SLC6A12: variants seen among roughly 807,000 people sequenced by gnomAD.
SLC6A12 encodes the protein solute carrier family 6 member 12.
Under a neutral mutation model 73.3 loss-of-function variants are expected in SLC6A12, and 50 were observed. The ratio of observed to expected loss-of-function variants is 0.68; its 90% CI spans 0.54 to 0.86. The LOEUF (loss-of-function observed/expected upper bound fraction) is 0.86. Ranked by LOEUF, SLC6A12 falls within the 40% of genes least tolerant of loss-of-function variation. The probability of loss-of-function intolerance (pLI) is 0.00; values close to 1 mark genes in which losing one functional copy is unlikely to be tolerated. For synonymous variants in SLC6A12, 304 were observed against 309.2 expected, an observed-to-expected ratio of 0.98 and a Z score of 0.18; for missense variants, 648 against 772.8, an observed-to-expected ratio of 0.84 and a Z score of 1.92.
chr12:203,551 G>A (rs1400007323), intron 4 of SLC6A12: 1 of 152,152 alleles, frequency 6.6e-6, no homozygotes, highest in Admixed American at 6.5e-5. Context: ...GCAGACGGCA[G>A]AGGGTCCGCG....
At chr12:186,294 C>A (rs889361259), downstream of SLC6A12, among the ~76,000 whole-genome samples, 1 of 152,180 alleles carries the variant, frequency 6.6e-6, no homozygotes, top group Non-Finnish European at 1.5e-5. Context: ...ACAGAGAGCC[C>A]ACATGAGAGG....
chr12:188,308 G>A (rs1011856092), downstream of SLC6A12, among the ~76,000 whole-genome samples: 11 of 152,192 alleles, frequency 7.2e-5, no homozygotes, highest in African/African-American at 2.7e-4. Flanking sequence ...CACAGCAGCT[G>A]CTGGCCCAGG....
At chr12:209,692 C>G in intron 3 of SLC6A12, 81 bp downstream of exon 3, 1 of 1,485,250 alleles carries the variant, frequency 6.7e-7, no homozygotes, top group Non-Finnish European at 9.4e-7. Flanking sequence ...CCACACTGCC[C>G]AGGAAGGAGG....
At chr12:192,266 G>T (rs1939636277) in intron 15 of SLC6A12, among the ~76,000 whole-genome samples, 1 of 152,212 alleles carries the variant, frequency 6.6e-6, no homozygotes, top group Non-Finnish European at 1.5e-5. Context: ...GTCAGAGTCT[G>T]TAGGTCTAGG....
downstream of SLC6A12, among the ~76,000 whole-genome samples, chr12:186,841 T>C (rs903770075): frequency 2.6e-5 from 4 of 152,098 alleles, no homozygotes; most frequent in African/African-American, 9.7e-5. Context: ...ATGAATAGCA[T>C]CATAGGGTGT....
intron 3 of SLC6A12, among the ~76,000 whole-genome samples, chr12:207,691 T>C (rs1000060618): frequency 6.6e-6 from 1 of 152,154 alleles, no homozygotes; most frequent in Non-Finnish European, 1.5e-5. Flanking sequence ...TTTGGACTAG[T>C]CTGTGACATC....
In SLC6A12 at chr12:196,230, G is replaced by A. The variant is rs756130417; in HGVS notation, c.1220C>T (p.Ser407Phe). The A allele has an allele frequency of 1.2e-6, 2 of 1,605,418 alleles. No homozygotes were observed. Among genetic ancestry groups the A allele is most frequent in the Non-Finnish European group, 1.7e-6 (2 of 1,177,198 alleles). ...GAGCTGCCTGGGGAACATGTCTATG[G>A]AGGCTGTCACCAGGCACTCCACACA... The part of the protein sequence containing the change: ...FVCVECLVTA[S>F]IDMFPRQLRK... The change falls in exon 12 of 16, where the codon TCC (serine) becomes TTC (phenylalanine). Residue 407 changes from serine (S) to phenylalanine (F), a missense_variant. Physicochemically the swap from Ser to Phe is radical, Grantham distance 155 (BLOSUM62 -2). Coordinates refer to ENST00000684302, the MANE Select transcript of SLC6A12 (RefSeq NM_001122848.3).
chr12:196,730 G>A (rs759299421), intron 11 of SLC6A12, 40 bp downstream of exon 11: 1 of 1,419,124 alleles, frequency 7.0e-7, no homozygotes, highest in Admixed American at 1.7e-5. Flanking sequence ...GCTTGCAAGA[G>A]GGTCACCACG....
chr12:212,466 T>G (rs74057622), intron 1 of SLC6A12, among the ~76,000 whole-genome samples: 1 of 152,006 alleles, frequency 6.6e-6, no homozygotes, highest in Non-Finnish European at 1.5e-5. Flanking sequence ...ATAGGGGAAG[T>G]GCAAAAAGAG....
chr12:186,629 T>C (rs560778816), downstream of SLC6A12, among the ~76,000 whole-genome samples: 15 of 152,284 alleles, frequency 9.9e-5, no homozygotes, highest in South Asian at 2.1e-4. Flanking sequence ...CTGTTGACCA[T>C]TAGTGGGAGG....
intron 1 of SLC6A12, 101 bp from the exon 2 acceptor site, chr12:212,211 G>A (rs1005289320): frequency 6.6e-6 from 1 of 152,258 alleles, no homozygotes; most frequent in South Asian, 2.1e-4. Flanking sequence ...CTCTACTCGC[G>A]GGCCATAGCG....
At chr12:204,828 C>T in intron 3 of SLC6A12, 130 bp from the exon 4 acceptor site, 1 of 996,124 alleles carries the variant, frequency 1.0e-6, no homozygotes, top group Non-Finnish European at 1.5e-6. Context: ...TGACACTTTC[C>T]AAGGGCCCAC....
At chr12:197,109 CCA>C (rs1939915587) in intron 10 of SLC6A12, among the ~76,000 whole-genome samples, 1 of 63,518 alleles carries the variant, frequency 1.6e-5, no homozygotes, top group African/African-American at 6.1e-5. Context: ...ATCCATCCAT[CCA>C]TCCATCCATC....
Position 193,396 on chromosome 12 carries a change from GGA to G in SLC6A12, c.1430-21_1430-20del. 6.3e-7 allele frequency: 1 copy of G among 1,591,732 alleles called. No homozygotes were observed. The highest frequency in any genetic ancestry group is 1.1e-5 in the South Asian group (1 of 90,612). On this transcript the variant is annotated intron_variant, in intron 13 of 15. Transcript: ENST00000684302. ...TCCGCCCCTGAGCAGGCATGGCGTGGGAGAGTGTGAGAGCCAGAGGGTGAGAA... is the reference window on the plus strand; with the variant it reads ...TCCGCCCCTGAGCAGGCATGGCGTGGGAGTGTGAGAGCCAGAGGGTGAGAA...
At chr12:193,018 A>C (rs561920718) in intron 14 of SLC6A12, 5 of 529,770 alleles carry the variant, frequency 9.4e-6, no homozygotes, top group African/African-American at 7.6e-5. Flanking sequence ...CCAACCATCG[A>C]GAAATCAGGC....
At chr12:193,711 G>C (rs867594208) in intron 13 of SLC6A12, among the ~76,000 whole-genome samples, 1 of 152,168 alleles carries the variant, frequency 6.6e-6, no homozygotes, top group Non-Finnish European at 1.5e-5. Context: ...TTAGACAAAC[G>C]CCTGTTTACC....
At chr12:204,380 C>A (rs780415614) in intron 4 of SLC6A12, among the ~76,000 whole-genome samples, 184 bp downstream of exon 4, 1 of 152,242 alleles carries the variant, frequency 6.6e-6, no homozygotes, top group Non-Finnish European at 1.5e-5. Context: ...CCAGCTTGCT[C>A]GGGAGCCAGT....
At position 196,945 on chromosome 12, in the gene SLC6A12, G is replaced by A. The variant is rs1044046465; in HGVS notation, c.1076-63C>T. The A allele has an allele frequency of 1.5e-4, 172 of 1,112,776 alleles. 3 individuals carry two copies. Among genetic ancestry groups the A allele is most frequent in the Middle Eastern group, 7.3e-4 (3 of 4,122 alleles). The allele number at this position is 1,112,776 out of a possible 1,614,324, so 68.9% of individuals were successfully genotyped here. A position where few individuals can be genotyped will look rare whatever the true frequency, so the allele number is the denominator to read the frequency against. ...CGTGTGCTGCCCTTGGGGAAGAGGC[G>A]TCTCTCTAAGCACTGTGTGTGTGTG... is the stretch of plus-strand genomic sequence containing the variant. On this transcript the variant is annotated intron_variant, in intron 10 of 15. Coordinates refer to ENST00000684302, the MANE Select transcript of SLC6A12 (RefSeq NM_001122848.3).
At chr12:197,177 CCATCCATCCATCCATCCAT>C in intron 10 of SLC6A12, among the ~76,000 whole-genome samples, 181 bp downstream of exon 10, 1 of 77,394 alleles carries the variant, frequency 1.3e-5, no homozygotes. Context: ...ATCCATCCAT[CCATCCATCCATCCATCCAT>C]TCATCCATCC....
Sources: gnomAD v4.1 joint callset for allele counts (sites outside exome capture counted in the v4.1 genomes callset) on GRCh38, gnomAD v4.1.1 for gene constraint, MANE v1.5 for transcripts, NCBI Gene and HGNC (gene_info 2026-07-23, HGNC 2026-07-21) for gene names.